Variants in BMPR1A observed in about 807,000 individuals in gnomAD.
BMPR1A encodes bone morphogenetic protein receptor type 1A, also known as bone morphogenetic protein receptor type-1A.
BMPR1A carries 7 observed loss-of-function variants against 66.0 expected under a neutral mutation model. The ratio of observed to expected loss-of-function variants is 0.11; its 90% CI spans 0.06 to 0.20. The LOEUF is 0.20. BMPR1A is among the 10% of genes least tolerant of loss of function. The pLI is 1.00. For synonymous variants in BMPR1A, 200 were observed against 229.7 expected, an observed-to-expected ratio of 0.87 and a Z score of 1.17; for missense variants, 408 against 669.1, an observed-to-expected ratio of 0.61 and a Z score of 4.31.
intron 1 of BMPR1A, among the ~76,000 whole-genome samples, chr10:86,782,650 TA>T (rs1003901926): frequency 2.0e-4 from 30 of 152,154 alleles, no homozygotes; most frequent in African/African-American, 7.2e-4. Context: ...ATCTTCTTTG[TA>T]AAAATGTCTA....
At chr10:86,913,269 T>G (rs1334233727) in intron 8 of BMPR1A, among the ~76,000 whole-genome samples, 1 of 149,942 alleles carries the variant, frequency 6.7e-6, no homozygotes, top group Non-Finnish European at 1.5e-5. Context: ...AATTACCAGA[T>G]GCACCACCAC....
chr10:86,876,811 G>A (rs1589757381), intron 3 of BMPR1A, among the ~76,000 whole-genome samples: 1 of 152,132 alleles, frequency 6.6e-6, no homozygotes, highest in Admixed American at 6.5e-5. Context: ...GTTGTTAAAA[G>A]ACTTTAGAAA....
intron 2 of BMPR1A, among the ~76,000 whole-genome samples, chr10:86,862,991 T>TTC (rs558515355): frequency 0.016 from 2,358 of 149,564 alleles, 68 homozygotes; most frequent in African/African-American, 0.054. Context: ...TTTTTTTTTT[T>TTC]CCCCCTCTGA....
chr10:86,924,047 A>C lies in BMPR1A; in HGVS notation c.*328A>C, dbSNP rs1843707360. The C allele has an allele frequency of 2.4e-6, 1 of 422,152 alleles. No individual in the cohort carries two copies. Among genetic ancestry groups the C allele is most frequent in the African/African-American group, 2.0e-5 (1 of 50,742 alleles). 26.2% of individuals were successfully genotyped at this position (422,152 alleles called of 1,614,324 possible). A position where few individuals can be genotyped will look rare whatever the true frequency, so the allele number is the denominator to read the frequency against. On this transcript the variant is annotated 3_prime_UTR_variant, in exon 13 of 13. Transcript: ENST00000372037. ...GCTCTGGGTACTGAATTGCCTGTTCATAAAACGGTGCTTTCTGTGAAAGCC... is the reference window on the plus strand; with the variant it reads ...GCTCTGGGTACTGAATTGCCTGTTCCTAAAACGGTGCTTTCTGTGAAAGCC...
chr10:86,761,781 G>A (rs1180441896), intron 1 of BMPR1A, among the ~76,000 whole-genome samples: 1 of 152,204 alleles, frequency 6.6e-6, no homozygotes, highest in Non-Finnish European at 1.5e-5. Context: ...GGATTGGCAA[G>A]AACAACTCCT....
At chr10:86,811,400 G>C (rs997625830) in intron 1 of BMPR1A, among the ~76,000 whole-genome samples, 1 of 152,124 alleles carries the variant, frequency 6.6e-6, no homozygotes. Flanking sequence ...TTTGTTGCTT[G>C]TATTTTTGTG....
At chr10:86,849,302 C>T (rs536160390) in intron 2 of BMPR1A, among the ~76,000 whole-genome samples, 1 of 152,314 alleles carries the variant, frequency 6.6e-6, no homozygotes, top group South Asian at 2.1e-4. Flanking sequence ...CCATGCTTTT[C>T]TGACTTTGTG....
intron 2 of BMPR1A, among the ~76,000 whole-genome samples, chr10:86,874,868 G>GTGTGAGC (rs1842900466): frequency 6.6e-6 from 1 of 151,174 alleles, no homozygotes; most frequent in African/African-American, 2.4e-5. Context: ...GGGATTACAG[G>GTGTGAGC]CACCCACCAC....
chr10:86,806,758 T>A (rs1287086867), intron 1 of BMPR1A, among the ~76,000 whole-genome samples: 8 of 152,048 alleles, frequency 5.3e-5, no homozygotes, highest in Non-Finnish European at 4.4e-5. Context: ...TTCACCATGT[T>A]GGCCAGGCTT....
chr10:86,817,352 T>A (rs1446589105), intron 1 of BMPR1A, among the ~76,000 whole-genome samples: 2 of 152,336 alleles, frequency 1.3e-5, no homozygotes, highest in Non-Finnish European at 2.9e-5. Flanking sequence ...AGTATTTTTC[T>A]TTTTGGTGGC....
chr10:86,831,009 A>G (rs768918273), intron 1 of BMPR1A, among the ~76,000 whole-genome samples: 1 of 152,116 alleles, frequency 6.6e-6, no homozygotes, highest in Non-Finnish European at 1.5e-5. Flanking sequence ...TTCACTTAGC[A>G]TATATTCAGG....
chr10:86,905,513 G>A (rs1336846315), intron 7 of BMPR1A, among the ~76,000 whole-genome samples: 1 of 152,132 alleles, frequency 6.6e-6, no homozygotes, highest in East Asian at 1.9e-4. Flanking sequence ...TGATCAACTG[G>A]CTGGCTGTTT....
chr10:86,793,093 T>TC (rs1188686496), intron 1 of BMPR1A, among the ~76,000 whole-genome samples: 5 of 130,064 alleles, frequency 3.8e-5, no homozygotes, highest in African/African-American at 1.5e-4. Flanking sequence ...TCCTGATCTA[T>TC]ACCCCCCCCC....
chr10:86,783,228 C>T (rs1841463282), intron 1 of BMPR1A, among the ~76,000 whole-genome samples: 1 of 152,110 alleles, frequency 6.6e-6, no homozygotes, highest in Non-Finnish European at 1.5e-5. Flanking sequence ...TGTCTGTATG[C>T]TAGTACTATT....
chr10:86,773,573 C>G (rs915691970), intron 1 of BMPR1A, among the ~76,000 whole-genome samples: 1 of 114,164 alleles, frequency 8.8e-6, no homozygotes, highest in Non-Finnish European at 1.7e-5. Flanking sequence ...ACTCCAGCAA[C>G]AGAGCAAGAC....
At chr10:86,775,720 G>A (rs1461671758) in intron 1 of BMPR1A, among the ~76,000 whole-genome samples, 2 of 151,352 alleles carry the variant, frequency 1.3e-5, no homozygotes, top group Non-Finnish European at 3.0e-5. Context: ...ACAGAAAACT[G>A]CTTTCCTCCC....
chr10:86,892,288 A>G (rs1843163065), intron 5 of BMPR1A, 59 bp downstream of exon 5: 1 of 1,394,348 alleles, frequency 7.2e-7, no homozygotes, highest in African/African-American at 1.4e-5. Context: ...GAAAGCATCG[A>G]TTTCCCCCAG....
intron 7 of BMPR1A, among the ~76,000 whole-genome samples, chr10:86,907,823 G>A (rs1843419432): frequency 6.6e-6 from 1 of 152,130 alleles, no homozygotes; most frequent in South Asian, 2.1e-4. Flanking sequence ...AGGGAGGGAG[G>A]TTGGATGAAG....
intron 2 of BMPR1A, among the ~76,000 whole-genome samples, chr10:86,850,745 C>T (rs1236837669): frequency 6.6e-6 from 1 of 152,138 alleles, no homozygotes; most frequent in Non-Finnish European, 1.5e-5. Flanking sequence ...GATCCTCCTG[C>T]CTCAGCCTCC....
Sources: allele counts gnomAD v4.1 joint callset (sites outside exome capture counted in the v4.1 genomes callset), GRCh38; gene constraint gnomAD v4.1.1; transcripts MANE v1.5; gene names NCBI Gene and HGNC (gene_info 2026-07-23, HGNC 2026-07-21).